CERS5: variants seen among roughly 807,000 people sequenced by gnomAD.
CERS5 encodes the protein ceramide synthase 5, also known as LAG1 homolog, ceramide synthase 5.
Under a neutral mutation model 58.9 loss-of-function variants are expected in CERS5, and 37 were observed. The ratio of observed to expected loss-of-function variants is 0.63; its 90% CI spans 0.48 to 0.83. The LOEUF (loss-of-function observed/expected upper bound fraction) is 0.83. Among genes scored for constraint, CERS5 ranks in the 40% least tolerant of loss-of-function variants. The probability of loss-of-function intolerance (pLI) is 0.00; values close to 1 mark genes in which losing one functional copy is unlikely to be tolerated. For synonymous variants in CERS5, 147 were observed against 177.8 expected (o/e 0.83, Z 1.38); for missense variants, 398 against 489.3 (o/e 0.81, Z 1.76).
intron 9 of CERS5, chr12:50,133,516 G>T: frequency 2.0e-6 from 2 of 988,878 alleles, no homozygotes; most frequent in South Asian, 9.3e-5. Context: ...GTGGTGGCTT[G>T]TGAACTACCA....
chr12:50,153,471 G>T (rs938687725), intron 1 of CERS5, among the ~76,000 whole-genome samples: 1 of 151,052 alleles, frequency 6.6e-6, no homozygotes, highest in Non-Finnish European at 1.5e-5. Flanking sequence ...GTAGAGACGG[G>T]GTTTCACCAT....
At chr12:50,135,552 C>T (rs1483727305) in intron 8 of CERS5, 180 bp downstream of exon 8, 1 of 712,130 alleles carries the variant, frequency 1.4e-6, no homozygotes, top group East Asian at 2.7e-5. Flanking sequence ...AGCAGAGGTC[C>T]TATGAGAGTC....
chr12:50,163,670 G>A (rs1939553145), intron 1 of CERS5, among the ~76,000 whole-genome samples: 2 of 152,046 alleles, frequency 1.3e-5, no homozygotes, highest in South Asian at 4.1e-4. Flanking sequence ...TTCTGAGACA[G>A]GGTCTCACTC....
chr12:50,155,349 TA>T (rs570514859), intron 1 of CERS5, among the ~76,000 whole-genome samples: 8 of 151,818 alleles, frequency 5.3e-5, no homozygotes, highest in Admixed American at 3.3e-4. Context: ...GTATACAAGG[TA>T]TTGCACTTTT....
chr12:50,160,555 T>C (rs1228406234), intron 1 of CERS5, among the ~76,000 whole-genome samples: 1 of 152,166 alleles, frequency 6.6e-6, no homozygotes. Flanking sequence ...CTATCTCCTG[T>C]ATAATTCGCC....
intron 6 of CERS5, among the ~76,000 whole-genome samples, 174 bp from the exon 7 acceptor site, chr12:50,136,243 TG>T (rs1345028581): frequency 2.0e-5 from 3 of 151,910 alleles, no homozygotes; most frequent in Admixed American, 2.0e-4. Context: ...GAGGGCAAGG[TG>T]GTCGGATCAC....
intron 1 of CERS5, among the ~76,000 whole-genome samples, chr12:50,145,266 C>G (rs1222067162): frequency 3.3e-5 from 5 of 151,210 alleles, no homozygotes; most frequent in Admixed American, 3.3e-4. Flanking sequence ...TAATTTCCAA[C>G]TTTTGAATCT....
chr12:50,149,490 C>A (rs1230670105), intron 1 of CERS5, among the ~76,000 whole-genome samples: 1 of 152,278 alleles, frequency 6.6e-6, no homozygotes, highest in Non-Finnish European at 1.5e-5. Context: ...CTATCAAAGA[C>A]AGGATGTATA....
chr12:50,161,950 C>T (rs1490972549), intron 1 of CERS5, among the ~76,000 whole-genome samples: 1 of 142,824 alleles, frequency 7.0e-6, no homozygotes, highest in Non-Finnish European at 1.5e-5. Context: ...TCTCAGCTCA[C>T]CGCAACCTCT....
intron 4 of CERS5, among the ~76,000 whole-genome samples, chr12:50,140,783 T>C (rs1217464228): frequency 6.6e-6 from 1 of 152,054 alleles, no homozygotes; most frequent in Non-Finnish European, 1.5e-5. Context: ...GTTTTATAAA[T>C]GTCAATAAGG....
chr12:50,159,492 G>A (rs1939034807), intron 1 of CERS5, among the ~76,000 whole-genome samples: 1 of 152,094 alleles, frequency 6.6e-6, no homozygotes, highest in Non-Finnish European at 1.5e-5. Flanking sequence ...TATCAAATGT[G>A]AATTTACATT....
chr12:50,137,654 G>T, intron 6 of CERS5, 74 bp downstream of exon 6: 2 of 808,380 alleles, frequency 2.5e-6, no homozygotes, highest in Non-Finnish European at 4.2e-6. Flanking sequence ...ATAATACATC[G>T]TAATGGCAGT....
In CERS5 at chr12:50,153,269, A is replaced by ATT. The variant is rs202197775; in HGVS notation, c.198-9214_198-9213dup. On this transcript the variant is annotated intron_variant, in intron 1 of 9. Transcript: ENST00000317551. ...GGTTATAATGAGATAAACTAATATG[A>ATT]TTTTTTTTTTTTTTTTTTTTTTTTT... Among the ~76,000 whole-genome samples the ATT allele has an allele frequency of 4.4e-3, 408 of 93,404 alleles. 76 individuals are homozygous for ATT. The highest frequency in any genetic ancestry group is 0.01 in the African/African-American group (235 of 23,420). The allele number at this position is 93,404 out of a possible 152,430, so 61.3% of individuals were successfully genotyped here. A position where few individuals can be genotyped will look rare whatever the true frequency, so the allele number is the denominator to read the frequency against.
chr12:50,152,424 C>T (rs1222520321), intron 1 of CERS5, among the ~76,000 whole-genome samples: 1 of 152,188 alleles, frequency 6.6e-6, no homozygotes, highest in African/African-American at 2.4e-5. Flanking sequence ...TTTATTAAAT[C>T]TTGACCCTTG....
intron 4 of CERS5, among the ~76,000 whole-genome samples, chr12:50,139,335 C>T (rs1951844292): frequency 6.6e-6 from 1 of 151,774 alleles, no homozygotes; most frequent in African/African-American, 2.4e-5. Flanking sequence ...CAAAAATTAG[C>T]CCGGTGTGGT....
At chr12:50,158,124 G>T (rs1938865862) in intron 1 of CERS5, among the ~76,000 whole-genome samples, 1 of 148,916 alleles carries the variant, frequency 6.7e-6, no homozygotes, top group African/African-American at 2.5e-5. Flanking sequence ...CATGTAGATT[G>T]TATATTTTTG....
intron 8 of CERS5, 107 bp downstream of exon 8, chr12:50,135,625 G>A (rs573370662): frequency 4.8e-5 from 43 of 887,144 alleles, no homozygotes; most frequent in South Asian, 1.3e-4. Context: ...TTCTATTGGC[G>A]AAAGTAGAAT....
chr12:50,129,434 C>A lies in CERS5; in HGVS notation c.*1111G>T, dbSNP rs1275115363. On this transcript the variant is annotated 3_prime_UTR_variant, in exon 10 of 10. Coordinates refer to ENST00000317551, the MANE Select transcript of CERS5 (RefSeq NM_147190.5). ...CTCATCTGACTTTCAAAAGCATATTCATTCATATTTCACAACAATATTAGT... is the reference window on the plus strand; with the variant it reads ...CTCATCTGACTTTCAAAAGCATATTAATTCATATTTCACAACAATATTAGT... 6.6e-6 allele frequency: 1 copy of A among 151,274 alleles called. No homozygotes were observed. Among genetic ancestry groups the A allele is most frequent in the African/African-American group, 2.4e-5 (1 of 41,190 alleles). 9.4% of individuals were successfully genotyped at this position (151,274 alleles called of 1,614,324 possible). A position where few individuals can be genotyped will look rare whatever the true frequency, so the allele number is the denominator to read the frequency against.
Position 50,131,814 on chromosome 12 carries a change from G to A in CERS5, c.1030-1120C>T, listed in dbSNP as rs747249734. 1.1e-3 allele frequency among the ~76,000 whole-genome samples: 173 copies of A among 151,976 alleles called. 2 individuals carry two copies. Among genetic ancestry groups the A allele is most frequent in the South Asian group, 1.5e-3 (7 of 4,826 alleles). On this transcript the variant is annotated intron_variant, in intron 9 of 9. Transcript: ENST00000317551. The stretch of plus-strand genomic sequence containing the variant: ...CAAAGTATTTCAATTTCTCCACCAT[G>A]AGCCAGGCACAGTGGCTTACACCTA...
Sources: gnomAD v4.1 joint callset for allele counts (sites outside exome capture counted in the v4.1 genomes callset) on GRCh38, gnomAD v4.1.1 for gene constraint, MANE v1.5 for transcripts, NCBI Gene and HGNC (gene_info 2026-07-23, HGNC 2026-07-21) for gene names.